Variants in STK32B observed in about 807,000 individuals in gnomAD.
STK32B encodes the protein serine/threonine-protein kinase 32B.
A neutral mutation model predicts 52.6 loss-of-function variants in STK32B; 43 were observed. The observed-to-expected ratio is 0.82, with a 90% CI of 0.64 to 1.05. STK32B has a LOEUF of 1.05. STK32B is among the 50% of genes least tolerant of loss of function. The pLI is 0.00. For missense variants in STK32B, 621 were observed against 534.6 expected (o/e 1.16, Z -1.59); for synonymous variants, 238 against 204.3 (o/e 1.17, Z -1.41).
chr4:5,122,816 C>G (rs1374977487), intron 1 of STK32B, among the ~76,000 whole-genome samples: 1 of 152,196 alleles, frequency 6.6e-6, no homozygotes, highest in Non-Finnish European at 1.5e-5. Context: ...TTGCTGCACT[C>G]TCCTGCCTGG....
chr4:5,389,799 T>G (rs1486006247), intron 4 of STK32B, among the ~76,000 whole-genome samples: 1 of 152,146 alleles, frequency 6.6e-6, no homozygotes, highest in African/African-American at 2.4e-5. Context: ...AAAAGGGACT[T>G]TGCAGATGTG....
In STK32B at chr4:5,134,811, T is replaced by G. The variant is rs146892496; in HGVS notation, c.53-5094T>G. Among the ~76,000 whole-genome samples the G allele has an allele frequency of 3.3e-5, 5 of 152,338 alleles. No individual in the cohort carries two copies. In the East Asian group the frequency reaches 9.6e-4, roughly 29 times the overall value. On this transcript the variant is annotated intron_variant, in intron 1 of 11. Coordinates refer to ENST00000282908, the MANE Select transcript of STK32B (RefSeq NM_018401.3). ...TACTTTTCTTGCTTGATGCCCACAG[T>G]GCTTAAATGCATGTGTTTGTACAGG...
intron 1 of STK32B, among the ~76,000 whole-genome samples, chr4:5,067,174 A>G (rs1742456827): frequency 6.6e-6 from 1 of 152,196 alleles, no homozygotes; most frequent in African/African-American, 2.4e-5. Flanking sequence ...GAACCAAGTG[A>G]AAGGGGTTTC....
At chr4:5,123,645 G>C (rs1340036894) in intron 1 of STK32B, among the ~76,000 whole-genome samples, 1 of 151,976 alleles carries the variant, frequency 6.6e-6, no homozygotes, top group Non-Finnish European at 1.5e-5. Context: ...GGCCACCCTG[G>C]GTGCATCTGT....
At chr4:5,229,770 A>G (rs547955793) in intron 3 of STK32B, among the ~76,000 whole-genome samples, 1 of 152,300 alleles carries the variant, frequency 6.6e-6, no homozygotes, top group South Asian at 2.1e-4. Context: ...CTAAACGAAC[A>G]CAAAACTAAA....
At chr4:5,454,341 G>T (rs1191931071) in intron 7 of STK32B, among the ~76,000 whole-genome samples, 1 of 152,120 alleles carries the variant, frequency 6.6e-6, no homozygotes, top group Admixed American at 6.5e-5. Context: ...TGAAGTGGTT[G>T]GCAGGGCTTG....
In STK32B at chr4:5,297,635, GTTTTT is replaced by G. The variant is rs200463444; in HGVS notation, c.261-33572_261-33568del. 2.4e-3 allele frequency among the ~76,000 whole-genome samples: 311 copies of G among 126,980 alleles called. 1 individual carries two copies. The highest frequency in any genetic ancestry group is 7.7e-3 in the African/African-American group (287 of 37,128). 83.3% of individuals were successfully genotyped at this position (126,980 alleles called of 152,430 possible). Reference sequence around the variant, plus strand: ...TTTTCAGCTCTGTCTGGTCATTTATGTTTTTTTTTTTTTTTTTAACTGGTTATTCT... The same window carrying G: ...TTTTCAGCTCTGTCTGGTCATTTATGTTTTTTTTTTTTAACTGGTTATTCT... On this transcript the variant is annotated intron_variant, in intron 3 of 11. Transcript: ENST00000282908.
intron 3 of STK32B, among the ~76,000 whole-genome samples, chr4:5,248,877 A>G (rs1725664194): frequency 6.6e-6 from 1 of 151,088 alleles, no homozygotes; most frequent in Non-Finnish European, 1.5e-5. Flanking sequence ...TTGAACAATG[A>G]GAACACTTGG....
intron 4 of STK32B, among the ~76,000 whole-genome samples, chr4:5,383,879 G>A (rs966801537): frequency 5.3e-5 from 8 of 152,234 alleles, no homozygotes; most frequent in Non-Finnish European, 8.8e-5. Flanking sequence ...AGTCTCTGCT[G>A]TCATAGTTTT....
At chr4:5,212,909 C>A (rs914752775) in intron 3 of STK32B, among the ~76,000 whole-genome samples, 2 of 152,084 alleles carry the variant, frequency 1.3e-5, no homozygotes, top group African/African-American at 4.8e-5. Flanking sequence ...AGGTCGACAT[C>A]GTTTTTTTAA....
chr4:5,329,297 A>G (rs531622423), intron 3 of STK32B, among the ~76,000 whole-genome samples: 81 of 152,174 alleles, frequency 5.3e-4, no homozygotes, highest in African/African-American at 1.9e-3. Context: ...CAGGGACTGT[A>G]TCTTACTCCA....
chr4:5,358,643 G>A (rs1362639461), intron 4 of STK32B, among the ~76,000 whole-genome samples: 1 of 151,948 alleles, frequency 6.6e-6, no homozygotes, highest in Non-Finnish European at 1.5e-5. Flanking sequence ...ATTGATAATA[G>A]CAGATAGCAT....
the STK32B span, among the ~76,000 whole-genome samples, chr4:5,028,735 T>G: frequency 3.3e-5 from 5 of 152,174 alleles, no homozygotes; most frequent in Admixed American, 3.3e-4. Flanking sequence ...AGCAGTGTAA[T>G]CTAGCCCATC....
At chr4:5,057,798 A>C (rs947814200) in intron 1 of STK32B, among the ~76,000 whole-genome samples, 1 of 152,194 alleles carries the variant, frequency 6.6e-6, no homozygotes, top group Non-Finnish European at 1.5e-5. Context: ...CTGGACTTTG[A>C]GAAATGGCAG....
chr4:5,385,082 G>A (rs1349009133), intron 4 of STK32B, among the ~76,000 whole-genome samples: 1 of 152,168 alleles, frequency 6.6e-6, no homozygotes, highest in African/African-American at 2.4e-5. Context: ...AAGGAAGGAA[G>A]AGACGGGTGA....
chr4:5,383,124 G>A (rs1736035032), intron 4 of STK32B, among the ~76,000 whole-genome samples: 1 of 152,176 alleles, frequency 6.6e-6, no homozygotes, highest in Non-Finnish European at 1.5e-5. Context: ...GTTTTGTGGG[G>A]CCACCCTGGG....
intron 3 of STK32B, among the ~76,000 whole-genome samples, chr4:5,173,794 G>T (rs2108743866): frequency 6.6e-6 from 1 of 152,326 alleles, no homozygotes; most frequent in Non-Finnish European, 1.5e-5. Flanking sequence ...ATTTGGGGTG[G>T]AGAGTTCTGT....
At chr4:5,363,876 C>T (rs762197968) in intron 4 of STK32B, among the ~76,000 whole-genome samples, 20 of 151,904 alleles carry the variant, frequency 1.3e-4, no homozygotes, top group Non-Finnish European at 2.2e-4. Context: ...TCTTAGTTAC[C>T]GAGAAGGAAA....
chr4:5,174,106 T>C (rs377477042), intron 3 of STK32B, among the ~76,000 whole-genome samples: 28,231 of 151,588 alleles, frequency 0.19, 3,310 homozygotes, highest in East Asian at 0.3. Flanking sequence ...CTGTTTTATC[T>C]GAGACTAGGA....
Sources: gnomAD v4.1 joint callset for allele counts (sites outside exome capture counted in the v4.1 genomes callset) on GRCh38, gnomAD v4.1.1 for gene constraint, MANE v1.5 for transcripts, NCBI Gene and HGNC (gene_info 2026-07-23, HGNC 2026-07-21) for gene names.